Variants in SNIP1 observed in about 807,000 individuals in gnomAD.
The protein encoded by SNIP1 is smad nuclear-interacting protein 1.
SNIP1 carries 23 observed loss-of-function variants against 37.4 expected under a neutral mutation model. The ratio of observed to expected loss-of-function variants is 0.61; its 90% CI spans 0.44 to 0.87. The LOEUF (loss-of-function observed/expected upper bound fraction) is 0.87, where lower values mean the gene tolerates loss of function less well. SNIP1 is among the 40% of genes least tolerant of loss of function. The pLI, the probability that SNIP1 is intolerant of heterozygous loss-of-function variation, is 0.00. For synonymous variants in SNIP1, 174 were observed against 200.0 expected (o/e 0.87, Z 1.10); for missense variants, 459 against 540.4 (o/e 0.85, Z 1.49).
At position 37,537,164 on chromosome 1, in the gene SNIP1, A is replaced by G. The variant is rs1471451754; in HGVS notation, c.*584T>C. 6.5e-6 allele frequency: 1 copy of G among 152,862 alleles called. No homozygotes were observed. Among genetic ancestry groups the G allele is most frequent in the African/African-American group, 2.4e-5 (1 of 41,448 alleles). The allele number at this position is 152,862 out of a possible 1,614,324, so 9.5% of individuals were successfully genotyped here. A position where few individuals can be genotyped will look rare whatever the true frequency, so the allele number is the denominator to read the frequency against. ...AGCATCTGTTTAAGTTAAACAGTCAATAATGTTTACTGACTGCAGTACATT... is the reference window on the plus strand; with the variant it reads ...AGCATCTGTTTAAGTTAAACAGTCAGTAATGTTTACTGACTGCAGTACATT... On this transcript the variant is annotated 3_prime_UTR_variant, in exon 4 of 4. Coordinates refer to ENST00000296215, the MANE Select transcript of SNIP1 (RefSeq NM_024700.4).
chr1:37,551,531 T>C (rs1191085983), intron 2 of SNIP1, among the ~76,000 whole-genome samples: 3 of 152,152 alleles, frequency 2.0e-5, no homozygotes. Flanking sequence ...ATGAGGTCTT[T>C]AAAGAGCTGG....
intron 3 of SNIP1, among the ~76,000 whole-genome samples, chr1:37,538,610 G>A (rs531080992): frequency 1.3e-5 from 2 of 151,600 alleles, no homozygotes; most frequent in South Asian, 2.1e-4. Context: ...GTCTCTTGCT[G>A]TGGTTAAGAA....
intron 2 of SNIP1, among the ~76,000 whole-genome samples, chr1:37,542,224 T>TA (rs1197618757): frequency 6.6e-6 from 1 of 152,184 alleles, no homozygotes; most frequent in African/African-American, 2.4e-5. Context: ...GACAGGCAGG[T>TA]AGCGCATACA....
At position 37,540,708 on chromosome 1, in the gene SNIP1, C is replaced by A. The variant is rs1298394304; in HGVS notation, c.375G>T (p.Arg125Ser). The change falls in exon 3 of 4, where the codon AGG becomes AGT. Residue 125 changes from arginine (R) to serine (S), a missense_variant. Transcript: ENST00000296215. This position sits in a 1 kb window ranked among gnomAD's most constrained non-coding sequence, Gnocchi z 5.6. Reference sequence around the variant, plus strand: ...TCCTGTGTTCCTGTTCTGATGGTTCCCTGTGCTGCCGATCCTCCCGTCCTC... The same window carrying A: ...TCCTGTGTTCCTGTTCTGATGGTTCACTGTGCTGCCGATCCTCCCGTCCTC... Reference protein sequence around the residue: ...PRRGREDRQHREPSEQEHRRA... With the variant: ...PRRGREDRQHSEPSEQEHRRA... 6.2e-7 allele frequency: 1 copy of A among 1,613,384 alleles called. No homozygotes were observed.
chr1:37,554,224 C>T lies in SNIP1; in HGVS notation c.6G>A (p.Lys2=). ...CTCGCTCCCGTTCGCTCTTCACCGC[C>T]TTCATTCTGTGATTTTGGCTGGGCG... M[K]AVKSERERGS... The change falls in exon 1 of 4, where the codon AAG becomes AAA. Residue 2 remains lysine, a synonymous_variant. Transcript: ENST00000296215. 6.3e-7 allele frequency: 1 copy of T among 1,597,038 alleles called. No individual in the cohort carries two copies. The highest frequency in any genetic ancestry group is 8.5e-7 in the Non-Finnish European group (1 of 1,169,988).
chr1:37,538,676 CAA>C (rs1643130505), intron 3 of SNIP1, among the ~76,000 whole-genome samples: 1 of 151,916 alleles, frequency 6.6e-6, no homozygotes, highest in Non-Finnish European at 1.5e-5. Context: ...ACCTATATTT[CAA>C]TATATTTTAG....
Position 37,545,000 on chromosome 1 carries a change from C to T in SNIP1, c.328-4245G>A, listed in dbSNP as rs1354527617. 6.5e-6 allele frequency: 5 copies of T among 765,656 alleles called. No homozygotes were observed. In the East Asian group the frequency reaches 7.3e-5, roughly 11 times the overall value. 47.4% of individuals were successfully genotyped at this position (765,656 alleles called of 1,614,324 possible). On this transcript the variant is annotated intron_variant, in intron 2 of 3. Transcript: ENST00000296215. ...ATGAGGTGGCTGAATCTTCTTCCTT[C>T]GGGACTTCAAGAAACCAGACCATGA...
chr1:37,547,792 G>T (rs1032871406), intron 2 of SNIP1, among the ~76,000 whole-genome samples: 2 of 151,684 alleles, frequency 1.3e-5, no homozygotes, highest in Non-Finnish European at 2.9e-5. Flanking sequence ...GTTGAGAAAA[G>T]AATAAAGTAA....
Position 37,554,180 on chromosome 1 carries a change from C to T in SNIP1, c.50G>A (p.Arg17Gln), listed in dbSNP as rs1292118545. 1 of 1,611,938 alleles carries T rather than the reference C, an allele frequency of 6.2e-7. No individual in the cohort carries two copies. Among genetic ancestry groups the T allele is most frequent in the Admixed American group, 1.7e-5 (1 of 59,846 alleles). ...ERERGSRRRHRDGDVVLPAGV... is the reference protein window; with the variant it reads ...ERERGSRRRHQDGDVVLPAGV... ...CGCCGGCAGCACCACGTCCCCGTCC[C>T]GGTGTCTTCGCCGGCTCCCTCGCTC... is the stretch of plus-strand genomic sequence containing the variant. Residue 17 changes from arginine (R) to glutamine (Q), a missense_variant, in exon 1 of 4, where the codon CGG (arginine) becomes CAG (glutamine). By Grantham distance (43) the Arg-to-Gln change is conservative (BLOSUM62 1). Transcript: ENST00000296215.
chr1:37,537,906 C>G lies in SNIP1; in HGVS notation c.1033G>C (p.Glu345Gln), dbSNP rs1238770240. 1 of 1,614,084 alleles carries G rather than the reference C, an allele frequency of 6.2e-7. No individual in the cohort carries two copies. Among genetic ancestry groups the G allele is most frequent in the South Asian group, 1.1e-5 (1 of 91,070 alleles). Residue 345 changes from glutamate (E) to glutamine (Q), a missense_variant, in exon 4 of 4, where the codon GAG (glutamate) becomes CAG (glutamine). By Grantham distance (29) the Glu-to-Gln change is conservative. Coordinates refer to ENST00000296215, the MANE Select transcript of SNIP1 (RefSeq NM_024700.4). ...NGTFLNNKRI[E>Q]PQRYYELKEK... ...TTTAGTTCATAGTATCTCTGTGGCTCAATACGTTTGTTGTTTAAGAAGGTT... is the reference window on the plus strand; with the variant it reads ...TTTAGTTCATAGTATCTCTGTGGCTGAATACGTTTGTTGTTTAAGAAGGTT...
chr1:37,547,352 G>A (rs1018771654), intron 2 of SNIP1, among the ~76,000 whole-genome samples: 12 of 152,136 alleles, frequency 7.9e-5, no homozygotes, highest in African/African-American at 2.9e-4. Context: ...CAATTTTGGG[G>A]ACGAGAGAAG....
intron 2 of SNIP1, among the ~76,000 whole-genome samples, chr1:37,548,228 G>A (rs1336578417): frequency 1.3e-5 from 2 of 148,970 alleles, no homozygotes; most frequent in African/African-American, 5.0e-5. Context: ...ATATCCTTCT[G>A]TATACTTTAA....
Position 37,534,905 on chromosome 1 carries a change from G to C in SNIP1, c.*2843C>G, listed in dbSNP as rs1643067372. On this transcript the variant is annotated 3_prime_UTR_variant, in exon 4 of 4. Transcript: ENST00000296215. ...CCGTGGAGAAAAGATAGAGAATGAAGAAGTTCCAAATGGCTAAGATGAACA... is the reference window on the plus strand; with the variant it reads ...CCGTGGAGAAAAGATAGAGAATGAACAAGTTCCAAATGGCTAAGATGAACA... The C allele has an allele frequency of 6.6e-6, 1 of 152,010 alleles. No individual in the cohort carries two copies. The highest frequency in any genetic ancestry group is 1.5e-5 in the Non-Finnish European group (1 of 67,998). The allele number at this position is 152,010 out of a possible 1,614,324, so 9.4% of individuals were successfully genotyped here. A position where few individuals can be genotyped will look rare whatever the true frequency, so the allele number is the denominator to read the frequency against.
Position 37,540,560 on chromosome 1 carries a change from G to T in SNIP1, c.523C>A (p.Gln175Lys). 6.2e-7 allele frequency: 1 copy of T among 1,614,030 alleles called. No individual in the cohort carries two copies. The highest frequency in any genetic ancestry group is 8.5e-7 in the Non-Finnish European group (1 of 1,180,004). Residue 175 changes from glutamine (Q) to lysine (K), a missense_variant, in exon 3 of 4, where the codon CAG (glutamine) becomes AAG (lysine). Transcript: ENST00000296215. The surrounding 1 kb of genome is among the most constrained non-coding windows in gnomAD (Gnocchi z 5.6). ...RDRDTQNLQA[Q>K]EEEREFYNAR... ...TTATAAAACTCCCGCTCTTCTTCCTGAGCCTGCAGGTTCTGAGTGTCTCGA... is the reference window on the plus strand; with the variant it reads ...TTATAAAACTCCCGCTCTTCTTCCTTAGCCTGCAGGTTCTGAGTGTCTCGA...
chr1:37,543,048 C>T (rs367630529), intron 2 of SNIP1, among the ~76,000 whole-genome samples: 1 of 149,012 alleles, frequency 6.7e-6, no homozygotes, highest in African/African-American at 2.5e-5. Context: ...CAACAGAGAC[C>T]CTGTCTTGAA....
intron 1 of SNIP1, 123 bp downstream of exon 1, chr1:37,553,883 G>T: frequency 3.1e-6 from 3 of 953,410 alleles, no homozygotes; most frequent in Non-Finnish European, 4.8e-6. Context: ...ACTCTCAACA[G>T]CCCCTCAGGA....
intron 2 of SNIP1, among the ~76,000 whole-genome samples, chr1:37,546,426 C>A (rs911534475): frequency 6.6e-6 from 1 of 152,168 alleles, no homozygotes; most frequent in African/African-American, 2.4e-5. Flanking sequence ...GTAATTCTAG[C>A]ACTTTGGGAG....
chr1:37,542,011 T>A (rs1643180253), intron 2 of SNIP1, among the ~76,000 whole-genome samples: 1 of 152,242 alleles, frequency 6.6e-6, no homozygotes, highest in Non-Finnish European at 1.5e-5. Flanking sequence ...GAAAAGTTTT[T>A]TTTTGTTTTA....
At chr1:37,546,257 A>T (rs898248881) in intron 2 of SNIP1, among the ~76,000 whole-genome samples, 1 of 151,788 alleles carries the variant, frequency 6.6e-6, no homozygotes, top group African/African-American at 2.4e-5. Flanking sequence ...ATGCATCAAG[A>T]GAGAGCCTCA....
Sources: allele counts gnomAD v4.1 joint callset (sites outside exome capture counted in the v4.1 genomes callset), GRCh38; gene constraint gnomAD v4.1.1; non-coding constraint Gnocchi (gnomAD v3.1); transcripts MANE v1.5; gene names NCBI Gene and HGNC (gene_info 2026-07-23, HGNC 2026-07-21).